Variants in TYW1B observed in about 807,000 individuals in gnomAD.
The protein encoded by TYW1B is tRNA-yW synthesizing protein 1 homolog B.
A neutral mutation model predicts 86.9 loss-of-function variants in TYW1B; 73 were observed. The ratio of observed to expected loss-of-function variants is 0.84; its 90% CI spans 0.70 to 1.02. The LOEUF is 1.02. Among genes scored for constraint, TYW1B ranks in the 50% least tolerant of loss-of-function variants. The pLI is 0.00. For synonymous variants in TYW1B, 248 were observed against 292.8 expected, an observed-to-expected ratio of 0.85 and a Z score of 1.56; for missense variants, 637 against 827.4, an observed-to-expected ratio of 0.77 and a Z score of 2.82.
chr7:72,596,386 A>G (rs1554432607), intron 13 of TYW1B, among the ~76,000 whole-genome samples: 1 of 152,120 alleles, frequency 6.6e-6, no homozygotes, highest in Non-Finnish European at 1.5e-5. Context: ...CCCTGATTTC[A>G]AAACTTACAA....
chr7:72,772,030 G>C (rs1554469739), intron 7 of TYW1B, among the ~76,000 whole-genome samples: 2 of 151,634 alleles, frequency 1.3e-5, no homozygotes, highest in Non-Finnish European at 1.5e-5. Context: ...TGTATTTTCA[G>C]TAGGAATGGG....
chr7:72,710,461 T>G (rs1430875541), intron 10 of TYW1B, among the ~76,000 whole-genome samples: 1 of 152,224 alleles, frequency 6.6e-6, no homozygotes, highest in Non-Finnish European at 1.5e-5. Flanking sequence ...GTTATCTTTA[T>G]GACAATACAC....
chr7:72,749,612 G>C (rs1163090211), intron 7 of TYW1B, among the ~76,000 whole-genome samples: 2 of 151,840 alleles, frequency 1.3e-5, no homozygotes, highest in Non-Finnish European at 2.9e-5. Context: ...CTTAACTAAA[G>C]ATTTATCAAT....
At chr7:72,814,578 C>T (rs535254122) in intron 3 of TYW1B, among the ~76,000 whole-genome samples, 60 of 150,600 alleles carry the variant, frequency 4.0e-4, no homozygotes, top group African/African-American at 1.0e-3. Flanking sequence ...AGCGAGACTC[C>T]GTCTCAAAAA....
chr7:72,611,618 T>C (rs1554435943), intron 13 of TYW1B, among the ~76,000 whole-genome samples: 1 of 152,186 alleles, frequency 6.6e-6, no homozygotes. Flanking sequence ...CTTTATAAAT[T>C]ACCCAGTCTC....
intron 7 of TYW1B, among the ~76,000 whole-genome samples, chr7:72,770,604 G>A (rs1787850817): frequency 6.6e-6 from 1 of 152,060 alleles, no homozygotes; most frequent in Non-Finnish European, 1.5e-5. Flanking sequence ...ACTGACAACA[G>A]TTTGGGAGTT....
intron 2 of TYW1B, among the ~76,000 whole-genome samples, chr7:72,818,076 TAA>T (rs76441894): frequency 3.7e-4 from 49 of 132,710 alleles, no homozygotes; most frequent in Non-Finnish European, 3.7e-4. Context: ...AGCTGGCTGT[TAA>T]AAAAAAAAAA....
At chr7:72,692,594 G>C (rs1814197936) in intron 11 of TYW1B, among the ~76,000 whole-genome samples, 1 of 152,058 alleles carries the variant, frequency 6.6e-6, no homozygotes, top group African/African-American at 2.4e-5. Context: ...CATAAGGAAG[G>C]AATCCAGCTC....
At position 72,794,383 on chromosome 7, in the gene TYW1B, C is replaced by A. The variant is rs374356274; in HGVS notation, c.846+8017G>T. Among the ~76,000 whole-genome samples the A allele has an allele frequency of 2.6e-5, 4 of 152,116 alleles. No individual in the cohort carries two copies. The East Asian group carries it at 5.8e-4, about 22-fold the overall frequency. On this transcript the variant is annotated intron_variant, in intron 6 of 13. Transcript: ENST00000620995. ...CCAGCCTGGCCAACATGGTGAAACC[C>A]CATCTCTACTAAAATTACAAAAATT... is the stretch of plus-strand genomic sequence containing the variant.
intron 4 of TYW1B, among the ~76,000 whole-genome samples, chr7:72,809,726 A>G (rs189314780): frequency 0.013 from 2,043 of 152,032 alleles, 59 homozygotes; most frequent in African/African-American, 0.047. Flanking sequence ...CAGGCTGGGC[A>G]TGATGGCTCA....
intron 13 of TYW1B, among the ~76,000 whole-genome samples, chr7:72,614,395 G>A (rs1812015708): frequency 6.6e-6 from 1 of 152,182 alleles, no homozygotes; most frequent in South Asian, 2.1e-4. Flanking sequence ...CACTTTGGGA[G>A]ACTGAGACAG....
rs1357476273 is a variant in TYW1B, at chr7:72,688,771, A to C, written c.1506+5916T>G. Among the ~76,000 whole-genome samples the C allele has an allele frequency of 3.9e-5, 6 of 152,270 alleles. No individual in the cohort carries two copies. The East Asian group carries it at 9.6e-4, about 24-fold the overall frequency. On this transcript the variant is annotated intron_variant, in intron 11 of 13. Coordinates refer to ENST00000620995, the MANE Select transcript of TYW1B (RefSeq NM_001145440.3). ...TCCAAACCCATAGAAGCTATTATCCACTAGACATTACCTGATGCCTCAACA... is the reference window on the plus strand; with the variant it reads ...TCCAAACCCATAGAAGCTATTATCCCCTAGACATTACCTGATGCCTCAACA...
chr7:72,800,891 A>G (rs1788392630), intron 6 of TYW1B, among the ~76,000 whole-genome samples: 5 of 152,226 alleles, frequency 3.3e-5, no homozygotes, highest in Middle Eastern at 3.4e-3. Flanking sequence ...TCAAACTTAT[A>G]TATTAAGAGA....
At chr7:72,756,683 C>T (rs1352997701) in intron 7 of TYW1B, among the ~76,000 whole-genome samples, 3 of 152,080 alleles carry the variant, frequency 2.0e-5, no homozygotes, top group African/African-American at 7.2e-5. Flanking sequence ...TGGTAGCCTG[C>T]GGTCGCTCAG....
At position 72,675,761 on chromosome 7, in the gene TYW1B, T is replaced by C. The variant is rs185354330; in HGVS notation, c.1506+18926A>G. 7.1e-3 allele frequency among the ~76,000 whole-genome samples: 1,079 copies of C among 152,164 alleles called. 16 individuals carry two copies. The highest frequency in any genetic ancestry group is 0.025 in the African/African-American group (1,051 of 41,530). On this transcript the variant is annotated intron_variant, in intron 11 of 13. Transcript: ENST00000620995. ...AATGATTAAATACAAAACAATTTTC[T>C]TCTCATGTGAAAAAAAGCCAATTTA...
intron 11 of TYW1B, among the ~76,000 whole-genome samples, chr7:72,642,148 T>C (rs1416782132): frequency 7.2e-5 from 11 of 152,186 alleles, no homozygotes; most frequent in Non-Finnish European, 1.3e-4. Flanking sequence ...TTTCAACACA[T>C]GGTACTGAGA....
chr7:72,732,127 GAT>G, intron 8 of TYW1B, among the ~76,000 whole-genome samples: 1 of 152,220 alleles, frequency 6.6e-6, no homozygotes, highest in Non-Finnish European at 1.5e-5. Flanking sequence ...GGAGCACTGA[GAT>G]ATAAAGCAAA....
intron 10 of TYW1B, among the ~76,000 whole-genome samples, chr7:72,703,245 C>T (rs1397348526): frequency 2.0e-5 from 3 of 150,828 alleles, no homozygotes; most frequent in Non-Finnish European, 3.0e-5. Flanking sequence ...AGGATAGTCT[C>T]GATCTCCTGA....
At position 72,828,141 on chromosome 7, in the gene TYW1B, T is replaced by A. The variant is rs780253999; in HGVS notation, c.-66A>T. ...AGAGCCCAAAGGTTCGCACTGGTAC[T>A]GCGAGACGCACCGAGCTACCTCGCG... On this transcript the variant is annotated 5_prime_UTR_variant, in exon 1 of 14. Coordinates refer to ENST00000620995, the MANE Select transcript of TYW1B (RefSeq NM_001145440.3). 3 of 1,608,078 alleles carry A rather than the reference T, an allele frequency of 1.9e-6. No individual in the cohort carries two copies. The highest frequency in any genetic ancestry group is 2.5e-6 in the Non-Finnish European group (3 of 1,177,458).
Sources: allele counts gnomAD v4.1 joint callset (sites outside exome capture counted in the v4.1 genomes callset), GRCh38; gene constraint gnomAD v4.1.1; transcripts MANE v1.5; gene names NCBI Gene and HGNC (gene_info 2026-07-23, HGNC 2026-07-21).